The following GNAI3 variants were observed in gnomAD, a reference collection of about 807,000 sequenced individuals.
The protein encoded by GNAI3 is G protein subunit alpha i3.
In GNAI3, 12 loss-of-function variants were observed where a neutral mutation model predicts 41.8. That is an observed-to-expected ratio of 0.29 (90% CI 0.18 to 0.47). The LOEUF is 0.47. Among genes scored for constraint, GNAI3 ranks in the 20% least tolerant of loss-of-function variants. The pLI is 1.00. For missense variants in GNAI3, 360 were observed against 429.6 expected (o/e 0.84, Z 1.43); for synonymous variants, 132 against 146.5 (o/e 0.90, Z 0.71).
chr1:109,582,856 AT>A (rs1648929621), intron 5 of GNAI3, among the ~76,000 whole-genome samples: 1 of 152,088 alleles, frequency 6.6e-6, no homozygotes, highest in Non-Finnish European at 1.5e-5. Flanking sequence ...TAATTTTATT[AT>A]TTTCAGCTGC....
At chr1:109,590,147 A>G (rs1649132932) in intron 7 of GNAI3, among the ~76,000 whole-genome samples, 1 of 152,164 alleles carries the variant, frequency 6.6e-6, no homozygotes, top group African/African-American at 2.4e-5. Context: ...TTTATCAAGG[A>G]AGTTGGAAAT....
intron 1 of GNAI3, among the ~76,000 whole-genome samples, chr1:109,553,996 C>T (rs558248750): frequency 1.3e-5 from 2 of 152,260 alleles, no homozygotes; most frequent in Admixed American, 6.5e-5. Flanking sequence ...TTAGAGTAAT[C>T]GTCTCCAGTT....
intron 4 of GNAI3, 36 bp downstream of exon 4, chr1:109,579,397 A>G: frequency 6.5e-7 from 1 of 1,528,284 alleles, no homozygotes. Context: ...ATAACAGAGA[A>G]TAACTTGGTG....
intron 1 of GNAI3, among the ~76,000 whole-genome samples, chr1:109,559,574 G>A (rs1396762777): frequency 1.3e-5 from 2 of 152,194 alleles, no homozygotes; most frequent in African/African-American, 4.8e-5. Flanking sequence ...TTTGATTGAA[G>A]TTAGCTTAAC....
At chr1:109,562,344 AT>A (rs1386057203) in intron 1 of GNAI3, among the ~76,000 whole-genome samples, 16 of 152,214 alleles carry the variant, frequency 1.1e-4, no homozygotes, top group Admixed American at 1.0e-3. Flanking sequence ...ATACTACACC[AT>A]TTTATGTAAG....
rs981302487 is a variant in GNAI3, at chr1:109,585,361, A to G, written c.591-855A>G. Among the ~76,000 whole-genome samples, 3 of 152,226 alleles carry G rather than the reference A, an allele frequency of 2.0e-5. No individual in the cohort carries two copies. The East Asian group carries it at 5.8e-4, about 29-fold the overall frequency. Reference sequence around the variant, plus strand: ...GTCACCCAGAAGACAGTATTGGACTAAAACTAATATGGAGTGTAACATAAA... The same window carrying G: ...GTCACCCAGAAGACAGTATTGGACTGAAACTAATATGGAGTGTAACATAAA... On this transcript the variant is annotated intron_variant, in intron 5 of 8. Coordinates refer to ENST00000369851, the MANE Select transcript of GNAI3 (RefSeq NM_006496.4).
chr1:109,587,732 A>T (rs1342586723), intron 7 of GNAI3, among the ~76,000 whole-genome samples: 4 of 152,282 alleles, frequency 2.6e-5, no homozygotes, highest in African/African-American at 9.6e-5. Flanking sequence ...TCCTACCATG[A>T]TCCATATCAT....
At chr1:109,563,600 A>C (rs896647177) in intron 1 of GNAI3, among the ~76,000 whole-genome samples, 1 of 152,154 alleles carries the variant, frequency 6.6e-6, no homozygotes, top group Non-Finnish European at 1.5e-5. Flanking sequence ...TAGATGATTT[A>C]TGAATGTAAA....
At chr1:109,557,006 G>A (rs192222435) in intron 1 of GNAI3, among the ~76,000 whole-genome samples, 207 of 152,176 alleles carry the variant, frequency 1.4e-3, no homozygotes, top group Non-Finnish European at 2.6e-3. Context: ...CATGATCTTG[G>A]ATCACTGCAA....
At chr1:109,551,111 G>C (rs906226486) in intron 1 of GNAI3, among the ~76,000 whole-genome samples, 6 of 152,186 alleles carry the variant, frequency 3.9e-5, no homozygotes, top group Non-Finnish European at 8.8e-5. Context: ...TAGGGAACTT[G>C]AAAAGCAGTA....
At chr1:109,583,149 G>A (rs1020039209) in intron 5 of GNAI3, among the ~76,000 whole-genome samples, 8 of 152,112 alleles carry the variant, frequency 5.3e-5, no homozygotes, top group African/African-American at 1.4e-4. Context: ...ATAGACTTGG[G>A]GATAGAGGTA....
At chr1:109,549,241 G>C (rs1647915269) in intron 1 of GNAI3, among the ~76,000 whole-genome samples, 1 of 152,210 alleles carries the variant, frequency 6.6e-6, no homozygotes, top group Non-Finnish European at 1.5e-5. Flanking sequence ...ATAATGGTTT[G>C]TGAGTTTGGA....
intron 1 of GNAI3, among the ~76,000 whole-genome samples, chr1:109,566,138 G>C (rs1648447535): frequency 6.6e-6 from 1 of 152,170 alleles, no homozygotes; most frequent in Admixed American, 6.5e-5. Flanking sequence ...CACCAGGGTG[G>C]AAGTGATAAC....
intron 7 of GNAI3, among the ~76,000 whole-genome samples, chr1:109,589,358 G>A (rs942439538): frequency 2.6e-5 from 4 of 152,300 alleles, no homozygotes; most frequent in Non-Finnish European, 5.9e-5. Flanking sequence ...TTAGGAGGTC[G>A]TTGACCTGCT....
At chr1:109,577,737 T>G (rs1261475916) in intron 3 of GNAI3, among the ~76,000 whole-genome samples, 3 of 152,234 alleles carry the variant, frequency 2.0e-5, no homozygotes, top group Admixed American at 2.0e-4. Flanking sequence ...CCATTAGAGC[T>G]GGAGACCCAG....
chr1:109,586,367 A>G (rs1315201077), intron 6 of GNAI3, 22 bp downstream of exon 6: 1 of 1,604,364 alleles, frequency 6.2e-7, no homozygotes, highest in Middle Eastern at 1.7e-4. Context: ...CTTCTGGTAA[A>G]AAGCCTGTCT....
intron 1 of GNAI3, among the ~76,000 whole-genome samples, chr1:109,560,410 A>G (rs1279743328): frequency 6.6e-6 from 1 of 152,164 alleles, no homozygotes; most frequent in East Asian, 1.9e-4. Flanking sequence ...AATTTTTTCT[A>G]GCTGTAGTAG....
chr1:109,555,996 GTGTT>G (rs1204300206), intron 1 of GNAI3, among the ~76,000 whole-genome samples: 1 of 142,022 alleles, frequency 7.0e-6, no homozygotes, highest in Admixed American at 6.9e-5. Context: ...GTGTGTGTGT[GTGTT>G]TGTGTGTGTT....
chr1:109,588,017 C>G (rs1229235702), intron 7 of GNAI3, among the ~76,000 whole-genome samples: 1 of 152,132 alleles, frequency 6.6e-6, no homozygotes, highest in Admixed American at 6.5e-5. Context: ...TCTTTCTTTC[C>G]TAACCAGCTT....
Sources: allele counts gnomAD v4.1 joint callset (sites outside exome capture counted in the v4.1 genomes callset), GRCh38; gene constraint gnomAD v4.1.1; transcripts MANE v1.5; gene names NCBI Gene and HGNC (gene_info 2026-07-23, HGNC 2026-07-21).